ABI3BP: variants seen among roughly 807,000 people sequenced by gnomAD.
The protein encoded by ABI3BP is target of Nesh-SH3.
Under a neutral mutation model 268.6 loss-of-function variants are expected in ABI3BP, and 216 were observed. That is an observed-to-expected ratio of 0.80 (90% confidence interval 0.72 to 0.90). The LOEUF is 0.90. Among genes scored for constraint, ABI3BP ranks in the 40% least tolerant of loss-of-function variants. ABI3BP has a pLI of 0.00. For synonymous variants in ABI3BP, 730 were observed against 730.0 expected (o/e 1.00, Z 0.00); for missense variants, 2,090 against 2,182.4 (o/e 0.96, Z 0.84).
At chr3:100,862,164 G>A in intron 14 of ABI3BP, 147 bp downstream of exon 14, 1 of 615,766 alleles carries the variant, frequency 1.6e-6, no homozygotes. Flanking sequence ...TGGGGAAAAT[G>A]AGGTTCATCT....
intron 24 of ABI3BP, among the ~76,000 whole-genome samples, chr3:100,838,958 G>T (rs765076123): frequency 2.0e-5 from 3 of 152,142 alleles, no homozygotes; most frequent in Non-Finnish European, 2.9e-5. Flanking sequence ...ATAATGAAAT[G>T]ATTATAATCA....
intron 4 of ABI3BP, among the ~76,000 whole-genome samples, chr3:100,886,678 T>C (rs1255397522): frequency 4.6e-5 from 7 of 151,882 alleles, no homozygotes; most frequent in Admixed American, 4.6e-4. Flanking sequence ...GAGTAGAACA[T>C]AGGTGCCATT....
intron 65 of ABI3BP, among the ~76,000 whole-genome samples, chr3:100,753,172 C>G (rs1282737205): frequency 6.6e-6 from 1 of 152,120 alleles, no homozygotes; most frequent in Non-Finnish European, 1.5e-5. Flanking sequence ...TGTTGAATAG[C>G]CTCTGCAGAG....
chr3:100,774,742 G>A, intron 60 of ABI3BP, 69 bp from the exon 61 acceptor site: 1 of 1,182,270 alleles, frequency 8.5e-7, no homozygotes. Context: ...TGAAAAAGTT[G>A]TAGACTAAAG....
rs184784446 is a variant in ABI3BP at position 100,940,148 on chromosome 3, T to C, written c.80-13667A>G. Among the ~76,000 whole-genome samples, 122 of 152,160 alleles carry C rather than the reference T, an allele frequency of 8.0e-4. 1 individual carries two copies. Among genetic ancestry groups the C allele is most frequent in the African/African-American group, 2.7e-3 (113 of 41,544 alleles). ...ACACATGCTCTACAATTTGTACAGT[T>C]AATGCAATTATCACATGGTCCTGAG... On this transcript the variant is annotated intron_variant, in intron 1 of 67. Coordinates refer to ENST00000471714, the MANE Select transcript of ABI3BP (RefSeq NM_001375547.2).
Position 100,954,051 on chromosome 3 carries a change from G to T in ABI3BP, c.80-27570C>A, listed in dbSNP as rs118109415. 9.2e-5 allele frequency among the ~76,000 whole-genome samples: 14 copies of T among 152,114 alleles called. No homozygotes were observed. In the East Asian group the frequency reaches 2.5e-3, roughly 27 times the overall value. ...CCAAACACTAGTACGTGTAACAAAG[G>T]TCCAGATACAGTGACCTCTAGGCAT... On this transcript the variant is annotated intron_variant, in intron 1 of 67. Coordinates refer to ENST00000471714, the MANE Select transcript of ABI3BP (RefSeq NM_001375547.2).
intron 2 of ABI3BP, among the ~76,000 whole-genome samples, chr3:100,910,419 TA>T (rs11356784): frequency 0.85 from 129,191 of 151,650 alleles, 55,143 homozygotes; most frequent in East Asian, 1. Context: ...TTAAAAAAGG[TA>T]AAAAAAAAAT....
intron 62 of ABI3BP, among the ~76,000 whole-genome samples, chr3:100,769,246 T>G (rs577555370): frequency 6.6e-6 from 1 of 152,356 alleles, no homozygotes; most frequent in South Asian, 2.1e-4. Context: ...AACTTAATTC[T>G]ATTTAGGAAA....
At chr3:100,846,305 A>G in intron 20 of ABI3BP, 67 bp downstream of exon 20, 2 of 1,087,906 alleles carry the variant, frequency 1.8e-6, no homozygotes, top group South Asian at 3.1e-5. Flanking sequence ...TTCTTGCTCC[A>G]AATAATTGCA....
At chr3:100,981,118 T>C (rs1248369995) in intron 1 of ABI3BP, among the ~76,000 whole-genome samples, 1 of 152,180 alleles carries the variant, frequency 6.6e-6, no homozygotes, top group African/African-American at 2.4e-5. Context: ...TACACAGAGC[T>C]GATCAAATGA....
At chr3:100,881,059 C>A (rs2038983727) in intron 6 of ABI3BP, among the ~76,000 whole-genome samples, 1 of 152,154 alleles carries the variant, frequency 6.6e-6, no homozygotes, top group African/African-American at 2.4e-5. Flanking sequence ...ATGAAAGTTA[C>A]AAAACATACT....
At chr3:100,812,097 C>A (rs1268712960) in intron 46 of ABI3BP, among the ~76,000 whole-genome samples, 1 of 147,404 alleles carries the variant, frequency 6.8e-6, no homozygotes. Flanking sequence ...TTTTTTTTTT[C>A]GTATAAGAAT....
At chr3:100,823,545 T>C (rs2098287265) in intron 36 of ABI3BP, 31 bp from the exon 37 acceptor site, 4 of 1,501,154 alleles carry the variant, frequency 2.7e-6, no homozygotes, top group East Asian at 2.5e-5. Flanking sequence ...ATCAAAGAGA[T>C]TTTTAAACAT....
chr3:100,787,676 T>C, intron 57 of ABI3BP, 52 bp downstream of exon 57: 1 of 1,373,650 alleles, frequency 7.3e-7, no homozygotes, highest in Non-Finnish European at 9.7e-7. Context: ...GAAAATTAAA[T>C]AACACTTATA....
chr3:100,783,471 A>C (rs2096929317), intron 57 of ABI3BP, among the ~76,000 whole-genome samples: 1 of 152,208 alleles, frequency 6.6e-6, no homozygotes, highest in Admixed American at 6.5e-5. Context: ...TGTTGGTTGA[A>C]TGAAAAAAAT....
rs2069487366 is a variant in ABI3BP, at chr3:100,941,962, C to T, written c.80-15481G>A. 3.3e-5 allele frequency among the ~76,000 whole-genome samples: 5 copies of T among 152,028 alleles called. No homozygotes were observed. In the South Asian group the frequency reaches 1.0e-3, roughly 31 times the overall value. On this transcript the variant is annotated intron_variant, in intron 1 of 67. Transcript: ENST00000471714. Reference sequence around the variant, plus strand: ...AAGGGGAAGGTGGGAGAGGCAACCTCACACAATCAATGATCATATATAGGT... The same window carrying T: ...AAGGGGAAGGTGGGAGAGGCAACCTTACACAATCAATGATCATATATAGGT...
chr3:100,936,504 G>T (rs563869715), intron 1 of ABI3BP, among the ~76,000 whole-genome samples: 1 of 152,278 alleles, frequency 6.6e-6, no homozygotes, highest in South Asian at 2.1e-4. Context: ...ATGAGTTAGG[G>T]AGAAATCCCT....
intron 61 of ABI3BP, 104 bp downstream of exon 61, chr3:100,774,501 A>C (rs2096645591): frequency 1.2e-6 from 1 of 829,756 alleles, no homozygotes; most frequent in East Asian, 2.8e-5. Flanking sequence ...TTATTATTAT[A>C]ATAGGCTACT....
At chr3:100,983,547 C>G (rs1456994337) in intron 1 of ABI3BP, among the ~76,000 whole-genome samples, 1 of 152,094 alleles carries the variant, frequency 6.6e-6, no homozygotes, top group Non-Finnish European at 1.5e-5. Context: ...TACATGGCAA[C>G]ACAGTGGGAT....
Sources: allele counts gnomAD v4.1 joint callset (sites outside exome capture counted in the v4.1 genomes callset), GRCh38; gene constraint gnomAD v4.1.1; transcripts MANE v1.5; gene names NCBI Gene and HGNC (gene_info 2026-07-23, HGNC 2026-07-21).